Variants in KIAA2012 observed in about 807,000 individuals in gnomAD.
The protein encoded by KIAA2012 is uncharacterized protein KIAA2012.
KIAA2012 carries 125 observed loss-of-function variants against 150.6 expected under a neutral mutation model. The ratio of observed to expected loss-of-function variants is 0.83; its 90% CI spans 0.72 to 0.96. The LOEUF is 0.96. KIAA2012 is among the 40% of genes least tolerant of loss of function. KIAA2012 has a pLI of 0.00. For missense variants in KIAA2012, 1,219 were observed against 1,354.9 expected (o/e 0.90, Z 1.57); for synonymous variants, 462 against 504.7 (o/e 0.92, Z 1.13).
intron 15 of KIAA2012, chr2:202,178,594 A>G (rs1020357328): frequency 1.3e-5 from 2 of 152,610 alleles, no homozygotes; most frequent in African/African-American, 4.8e-5. Context: ...AAGAGCAGTG[A>G]AAGTCTTCAG....
intron 2 of KIAA2012, among the ~76,000 whole-genome samples, chr2:202,077,277 T>C (rs1574998109): frequency 6.6e-6 from 1 of 152,334 alleles, no homozygotes; most frequent in East Asian, 1.9e-4. Context: ...ATTTTCCTGG[T>C]TGGACACTGA....
intron 11 of KIAA2012, among the ~76,000 whole-genome samples, chr2:202,120,976 C>G (rs1420163916): frequency 2.0e-5 from 3 of 152,212 alleles, no homozygotes; most frequent in Admixed American, 1.3e-4. Context: ...TTCCCAGACT[C>G]ACTTGCAGCT....
intron 19 of KIAA2012, 37 bp from the exon 20 acceptor site, chr2:202,193,264 A>C: frequency 6.5e-7 from 1 of 1,533,398 alleles, no homozygotes; most frequent in Non-Finnish European, 8.8e-7. Flanking sequence ...AGACAGACCC[A>C]TCTGTTTATT....
intron 19 of KIAA2012, among the ~76,000 whole-genome samples, chr2:202,192,860 C>T (rs898377186): frequency 1.2e-4 from 18 of 152,154 alleles, no homozygotes; most frequent in African/African-American, 4.1e-4. Flanking sequence ...AAGCAATCCT[C>T]CCACTTCAGC....
chr2:202,075,306 T>G, intron 2 of KIAA2012, 131 bp downstream of exon 2: 41 of 1,018,640 alleles, frequency 4.0e-5, no homozygotes, highest in Non-Finnish European at 5.0e-5. Context: ...TCTTCATCTC[T>G]AAAATGAGAT....
intron 12 of KIAA2012, chr2:202,137,032 C>T (rs1691079068): frequency 6.6e-6 from 1 of 152,116 alleles, no homozygotes; most frequent in Admixed American, 6.6e-5. Context: ...TGTTTTAAAT[C>T]TGTGCAAAAG....
chr2:202,196,186 CTT>C (rs869092899), intron 21 of KIAA2012, among the ~76,000 whole-genome samples: 8 of 79,674 alleles, frequency 1.0e-4, no homozygotes, highest in Middle Eastern at 8.8e-3. Flanking sequence ...CTTTTCTTTT[CTT>C]TTTTTTTTTT....
chr2:202,168,721 A>C (rs1215656589), intron 15 of KIAA2012, among the ~76,000 whole-genome samples: 1 of 152,158 alleles, frequency 6.6e-6, no homozygotes, highest in Non-Finnish European at 1.5e-5. Flanking sequence ...AGTTACTGTG[A>C]CATAACTCCT....
At chr2:202,094,413 G>A (rs1411170750) in intron 4 of KIAA2012, among the ~76,000 whole-genome samples, 1 of 152,202 alleles carries the variant, frequency 6.6e-6, no homozygotes, top group Admixed American at 6.5e-5. Flanking sequence ...GAACATGGCA[G>A]GTTCTCAGAG....
intron 2 of KIAA2012, among the ~76,000 whole-genome samples, chr2:202,082,277 C>T (rs1394487231): frequency 1.3e-5 from 2 of 152,086 alleles, no homozygotes; most frequent in Non-Finnish European, 2.9e-5. Context: ...ATCACTTGAG[C>T]CCAAGAGATC....
intron 15 of KIAA2012, among the ~76,000 whole-genome samples, chr2:202,181,601 T>C (rs115529014): frequency 2.4e-3 from 357 of 151,912 alleles, no homozygotes; most frequent in African/African-American, 8.0e-3. Context: ...AAAAAAAAAT[T>C]AAGAATATTT....
At chr2:202,155,437 C>T (rs916397463) in intron 14 of KIAA2012, among the ~76,000 whole-genome samples, 1 of 152,164 alleles carries the variant, frequency 6.6e-6, no homozygotes, top group Admixed American at 6.6e-5. Flanking sequence ...ATTGGCCCAT[C>T]CTTTTCATCG....
chr2:202,200,119 C>T (rs1434469551), intron 22 of KIAA2012, among the ~76,000 whole-genome samples: 3 of 151,332 alleles, frequency 2.0e-5, no homozygotes, highest in Non-Finnish European at 2.9e-5. Context: ...TTAGTAGAGA[C>T]GGGGGGTTTC....
At chr2:202,180,645 A>C (rs1278604931) in intron 15 of KIAA2012, among the ~76,000 whole-genome samples, 1 of 152,078 alleles carries the variant, frequency 6.6e-6, no homozygotes, top group Non-Finnish European at 1.5e-5. Context: ...CCAACATAGC[A>C]AAACCCAGTC....
intron 23 of KIAA2012, among the ~76,000 whole-genome samples, chr2:202,204,722 T>TA (rs1692606488): frequency 6.9e-6 from 1 of 145,944 alleles, no homozygotes; most frequent in South Asian, 2.2e-4. Flanking sequence ...GATACTTATT[T>TA]TAACTCCTTT....
At chr2:202,099,552 A>G in intron 5 of KIAA2012, 61 bp from the exon 6 acceptor site, 1 of 1,385,444 alleles carries the variant, frequency 7.2e-7, no homozygotes, top group Non-Finnish European at 9.6e-7. Flanking sequence ...GCTGTTAAAG[A>G]AACCTGCTCT....
rs1415378572 is a variant in KIAA2012, at chr2:202,104,650, G to A, written c.1325-1111G>A. Among the ~76,000 whole-genome samples, 1 of 152,236 alleles carries A rather than the reference G, an allele frequency of 6.6e-6. No individual in the cohort carries two copies. Among genetic ancestry groups the A allele is most frequent in the Non-Finnish European group, 1.5e-5 (1 of 68,048 alleles). On this transcript the variant is annotated intron_variant, in intron 8 of 23. Transcript: ENST00000498697. The surrounding 1 kb of genome is among the most constrained non-coding windows in gnomAD (Gnocchi z 4.3). The stretch of plus-strand genomic sequence containing the variant: ...TGGTACTGGCCCTCTGATAATTACA[G>A]CAGGCAGATAGTAGCCTGGGAATGT...
At chr2:202,097,386 C>T in intron 4 of KIAA2012, 49 bp from the exon 5 acceptor site, 1 of 1,545,904 alleles carries the variant, frequency 6.5e-7, no homozygotes, top group Non-Finnish European at 8.7e-7. Flanking sequence ...AGCAAGAACA[C>T]CACGTCCATT....
chr2:202,131,626 T>A (rs1690930793), intron 12 of KIAA2012, among the ~76,000 whole-genome samples: 1 of 152,212 alleles, frequency 6.6e-6, no homozygotes, highest in African/African-American at 2.4e-5. Flanking sequence ...TCAGACTGAC[T>A]CAGCCTGGAG....
Sources: gnomAD v4.1 joint callset for allele counts (sites outside exome capture counted in the v4.1 genomes callset) on GRCh38, gnomAD v4.1.1 for gene constraint, Gnocchi (gnomAD v3.1) non-coding constraint, MANE v1.5 for transcripts, NCBI Gene and HGNC (gene_info 2026-07-23, HGNC 2026-07-21) for gene names.